Variants in KRT85 observed in about 807,000 individuals in gnomAD.
KRT85 encodes the protein keratin 85.
A neutral mutation model predicts 53.7 loss-of-function variants in KRT85; 39 were observed. The ratio of observed to expected loss-of-function variants is 0.73; its 90% CI spans 0.56 to 0.95. The LOEUF (loss-of-function observed/expected upper bound fraction) is 0.95, where lower values mean the gene tolerates loss of function less well. Ranked by LOEUF, KRT85 falls within the 40% of genes least tolerant of loss-of-function variation. KRT85 has a pLI of 0.00. For missense variants in KRT85, 668 were observed against 686.0 expected (o/e 0.97, Z 0.29); for synonymous variants, 291 against 277.5 (o/e 1.05, Z -0.48).
chr12:52,365,993 T>C (rs1263869751), intron 1 of KRT85, among the ~76,000 whole-genome samples: 32 of 152,298 alleles, frequency 2.1e-4, no homozygotes, highest in Non-Finnish European at 1.5e-5. Context: ...GGTGACTGCC[T>C]CTGCCCCCAA....
Position 52,367,229 on chromosome 12 carries a change from C to A in KRT85, c.177G>T (p.Leu59=). The part of the protein sequence containing the change: ...TGFGSRSLCN[L]GSCGPRIAVG... ...CAGCTATCCGGGGCCCGCAGGAGCCCAGGTTGCAGAGGCTGCGGCTGCCGA... is the reference window on the plus strand; with the variant it reads ...CAGCTATCCGGGGCCCGCAGGAGCCAAGGTTGCAGAGGCTGCGGCTGCCGA... Residue 59 remains leucine (L), a synonymous_variant, in exon 1 of 9, where the codon CTG becomes CTT. Coordinates refer to ENST00000257901, the MANE Select transcript of KRT85 (RefSeq NM_002283.4). 1 of 1,613,262 alleles carries A rather than the reference C, an allele frequency of 6.2e-7. No individual in the cohort carries two copies. Among genetic ancestry groups the A allele is most frequent in the Non-Finnish European group, 8.5e-7 (1 of 1,179,480 alleles).
chr12:52,364,501 A>G, intron 2 of KRT85, 135 bp from the exon 3 acceptor site: 1 of 1,539,062 alleles, frequency 6.5e-7, no homozygotes, highest in Middle Eastern at 1.8e-4. Flanking sequence ...TCCAGGATCT[A>G]TTTTTTGTAT....
chr12:52,364,006 T>C, intron 4 of KRT85, 62 bp downstream of exon 4: 4 of 1,280,598 alleles, frequency 3.1e-6, no homozygotes, highest in East Asian at 4.6e-5. Context: ...CTTGCCTCAC[T>C]GCTCCCCTGT....
At chr12:52,366,904 T>A in intron 1 of KRT85, 82 bp downstream of exon 1, 2 of 1,610,112 alleles carry the variant, frequency 1.2e-6, no homozygotes, top group South Asian at 1.1e-5. Context: ...CCGGCAGCCA[T>A]CCTGTCTCCT....
chr12:52,366,748 A>G (rs1273586316), intron 1 of KRT85, among the ~76,000 whole-genome samples: 2 of 151,894 alleles, frequency 1.3e-5, no homozygotes, highest in Non-Finnish European at 1.5e-5. Context: ...ACACACATGT[A>G]CACACACACA....
Position 52,360,708 on chromosome 12 carries a change from GGGTCTTTCCCTCTGTA to G in KRT85, c.*129_*144del. 16 of 930,738 alleles carry G rather than the reference GGGTCTTTCCCTCTGTA, an allele frequency of 1.7e-5. No homozygotes were observed. The highest frequency in any genetic ancestry group is 2.7e-5 in the Non-Finnish European group (16 of 584,888). The allele number at this position is 930,738 out of a possible 1,614,324, so 57.7% of individuals were successfully genotyped here. ...GAAAAGGCGCAGGGGAGCGGCCCGA[GGGTCTTTCCCTCTGTA>G]GGTCTTTCCCTCTGTAGGAACATCC... On this transcript the variant is annotated 3_prime_UTR_variant, in exon 9 of 9. Coordinates refer to ENST00000257901, the MANE Select transcript of KRT85 (RefSeq NM_002283.4).
At chr12:52,365,784 A>G (rs568230750) in intron 1 of KRT85, among the ~76,000 whole-genome samples, 5 of 152,228 alleles carry the variant, frequency 3.3e-5, no homozygotes, top group Admixed American at 1.3e-4. Flanking sequence ...GAGACCCCCA[A>G]GGTGTGAAAT....
Position 52,360,931 on chromosome 12 carries a change from G to A in KRT85, c.1446C>T (p.Ala482=), listed in dbSNP as rs780215601. Residue 482 remains alanine (A), a synonymous_variant, in exon 9 of 9, where the codon GCC becomes GCT. Coordinates refer to ENST00000257901, the MANE Select transcript of KRT85 (RefSeq NM_002283.4). ...SAIGGSITVV[A]PDSCAPCQPR... ...GCTGGCAGGGGGCACAGGAGTCAGG[G>A]GCCACCACCGTGATGCTGCCGCCTA... 2.5e-5 allele frequency: 41 copies of A among 1,612,668 alleles called. No individual in the cohort carries two copies. Among genetic ancestry groups the A allele is most frequent in the Non-Finnish European group, 3.2e-5 (38 of 1,180,000 alleles).
At position 52,367,215 on chromosome 12, in the gene KRT85, G is replaced by C; in HGVS notation, c.191C>G (p.Pro64Arg). 5.6e-6 allele frequency: 9 copies of C among 1,613,568 alleles called. No individual in the cohort carries two copies. The highest frequency in any genetic ancestry group is 7.6e-6 in the Non-Finnish European group (9 of 1,179,716). ...TCGGAAGCCACCTACAGCTATCCGG[G>C]GCCCGCAGGAGCCCAGGTTGCAGAG... ...RSLCNLGSCG[P>R]RIAVGGFRAG... The change falls in exon 1 of 9, where the codon CCC becomes CGC. Residue 64 changes from proline (P) to arginine (R), a missense_variant. Coordinates refer to ENST00000257901, the MANE Select transcript of KRT85 (RefSeq NM_002283.4).
intron 4 of KRT85, among the ~76,000 whole-genome samples, chr12:52,363,749 C>T (rs963626442): frequency 5.3e-5 from 8 of 152,150 alleles, no homozygotes; most frequent in Admixed American, 2.0e-4. Context: ...GCCCTATGTG[C>T]GAAGCCATCC....
chr12:52,367,417 G>T lies in KRT85; in HGVS notation c.-12C>A. ...GAGCGGCACGACATCGTGTGAGGCT[G>T]AGCAGAGTCTGAGAGGCAGCGGAAG... is the stretch of plus-strand genomic sequence containing the variant. On this transcript the variant is annotated 5_prime_UTR_variant, in exon 1 of 9. Transcript: ENST00000257901. The T allele has an allele frequency of 6.2e-7, 1 of 1,613,886 alleles. No individual in the cohort carries two copies. Among genetic ancestry groups the T allele is most frequent in the South Asian group, 1.1e-5 (1 of 91,024 alleles).
At chr12:52,362,817 G>T in intron 6 of KRT85, 37 bp downstream of exon 6, 1 of 1,614,076 alleles carries the variant, frequency 6.2e-7, no homozygotes, top group Non-Finnish European at 8.5e-7. Flanking sequence ...GCTGCAGCCT[G>T]CCTGTGCTGC....
Position 52,365,175 on chromosome 12 carries a change from C to T in KRT85, c.421-5G>A, listed in dbSNP as rs755324464. The T allele has an allele frequency of 1.9e-6, 3 of 1,614,166 alleles. No homozygotes were observed. The South Asian group carries it at 3.3e-5, about 18-fold the overall frequency. On this transcript the variant is annotated splice_region_variant and splice_polypyrimidine_tract_variant and intron_variant, in intron 1 of 8. Transcript: ENST00000257901. Reference sequence around the variant, plus strand: ...CTGCTGCTCCAGGAAGCGCACCTGCCATTCAGGTGGAAAGAAGAAGTCAGA... The same window carrying T: ...CTGCTGCTCCAGGAAGCGCACCTGCTATTCAGGTGGAAAGAAGAAGTCAGA...
intron 5 of KRT85, 73 bp from the exon 6 acceptor site, chr12:52,363,052 T>C (rs2121401340): frequency 1.9e-6 from 3 of 1,610,754 alleles, no homozygotes; most frequent in Middle Eastern, 1.7e-4. Context: ...CAGATGACTA[T>C]ACAGGTTGTA....
intron 1 of KRT85, 129 bp from the exon 2 acceptor site, chr12:52,365,299 G>T: frequency 9.8e-7 from 1 of 1,020,212 alleles, no homozygotes; most frequent in Non-Finnish European, 1.5e-6. Flanking sequence ...GCGGCTCAAG[G>T]GGCCCATTCC....
Position 52,365,056 on chromosome 12 carries a change from G to C in KRT85, c.535C>G (p.Leu179Val). Residue 179 changes from leucine to valine, a missense_variant, in exon 2 of 9, where the codon CTG (leucine) becomes GTG (valine). Leu to Val is a conservative substitution (Grantham distance 32). Coordinates refer to ENST00000257901, the MANE Select transcript of KRT85 (RefSeq NM_002283.4). The stretch of plus-strand genomic sequence containing the variant: ...TCCACGCACTCGGCCTCCCGCCGCA[G>C]AGTCTCGATGTAGCCACTGAACAGT... ...EPLFSGYIET[L>V]RREAECVEAD... is the part of the protein sequence containing the mutation. The C allele has an allele frequency of 6.2e-7, 1 of 1,613,838 alleles. No homozygotes were observed. Among genetic ancestry groups the C allele is most frequent in the Non-Finnish European group, 8.5e-7 (1 of 1,180,044 alleles).
At position 52,367,073 on chromosome 12, in the gene KRT85, C is replaced by A; in HGVS notation, c.333G>T (p.Glu111Asp). The A allele has an allele frequency of 6.2e-7, 1 of 1,613,590 alleles. No homozygotes were observed. Among genetic ancestry groups the A allele is most frequent in the Non-Finnish European group, 8.5e-7 (1 of 1,179,904 alleles). ...NESLLTPLNL[E>D]IDPNAQCVKQ... ...TCACGCACTGTGCGTTGGGGTCGAT[C>A]TCCAGGTTGAGGGGCGTGAGGAGGC... Residue 111 changes from glutamate to aspartate, a missense_variant, in exon 1 of 9, where the codon GAG becomes GAT. Physicochemically the swap from Glu to Asp is conservative, Grantham distance 45. This residue lies in a region of KRT85 where 22 missense variants were observed against 46.0 expected (regional missense o/e 0.48). Transcript: ENST00000257901.
chr12:52,364,388 T>A, intron 2 of KRT85, 22 bp from the exon 3 acceptor site: 1 of 1,614,118 alleles, frequency 6.2e-7, no homozygotes, highest in Non-Finnish European at 8.5e-7. Context: ...AGAGAGAAGG[T>A]CTGGAGCTGA....
chr12:52,367,463 C>G lies in KRT85; in HGVS notation c.-58G>C. The G allele has an allele frequency of 6.4e-7, 1 of 1,564,372 alleles. No individual in the cohort carries two copies. The highest frequency in any genetic ancestry group is 1.7e-5 in the Admixed American group (1 of 57,832). On this transcript the variant is annotated 5_prime_UTR_variant, in exon 1 of 9. Coordinates refer to ENST00000257901, the MANE Select transcript of KRT85 (RefSeq NM_002283.4). ...GGAAGGTGGTGCGGGCGGCAGAGTG[C>G]GAGGCTCAGGATCCTTCTGCTCTCT... is the stretch of plus-strand genomic sequence containing the variant.
Sources: gnomAD v4.1 joint callset for allele counts (sites outside exome capture counted in the v4.1 genomes callset) on GRCh38, gnomAD v4.1.1 for gene constraint, gnomAD v4.1.1 regional missense constraint, MANE v1.5 for transcripts, NCBI Gene and HGNC (gene_info 2026-07-23, HGNC 2026-07-21) for gene names.